The following R3HDM2 variants were observed in gnomAD, a reference collection of about 807,000 sequenced individuals.
R3HDM2 encodes the protein R3H domain-containing protein 2.
In R3HDM2, 38 loss-of-function variants were observed where a neutral mutation model predicts 124.5. The observed-to-expected ratio is 0.31, with a 90% CI of 0.24 to 0.40. The LOEUF (loss-of-function observed/expected upper bound fraction) is 0.40. Ranked by LOEUF, R3HDM2 falls within the 10% of genes least tolerant of loss-of-function variation. The pLI is 1.00. For synonymous variants in R3HDM2, 391 were observed against 448.0 expected, an observed-to-expected ratio of 0.87 and a Z score of 1.61; for missense variants, 869 against 1,236.9, an observed-to-expected ratio of 0.70 and a Z score of 4.46.
chr12:57,413,187 T>C (rs2069169351), intron 1 of R3HDM2, among the ~76,000 whole-genome samples: 1 of 151,738 alleles, frequency 6.6e-6, no homozygotes, highest in African/African-American at 2.4e-5. Context: ...AAAACTTATG[T>C]CACCACCAAA....
At chr12:57,256,279 G>A in intron 22 of R3HDM2, 135 bp downstream of exon 22, 1 of 894,826 alleles carries the variant, frequency 1.1e-6, no homozygotes. Flanking sequence ...ATGAGTATAG[G>A]AGGTAGGGCA....
rs1053289089 is a variant in R3HDM2 at position 57,320,077 on chromosome 12, G to A, written c.-35-9614C>T. Among the ~76,000 whole-genome samples the A allele has an allele frequency of 2.6e-5, 4 of 151,626 alleles. No individual in the cohort carries two copies. The South Asian group carries it at 8.3e-4, about 32-fold the overall frequency. ...AGTTTGAGATGAGCCTGGCCAACAC[G>A]GTGAAACCCCGTTTCTACTAAAAAT... On this transcript the variant is annotated intron_variant, in intron 2 of 23. Coordinates refer to ENST00000402412, the MANE Select transcript of R3HDM2 (RefSeq NM_001394031.1).
At chr12:57,387,922 A>C (rs1487651013) in intron 2 of R3HDM2, among the ~76,000 whole-genome samples, 1 of 152,102 alleles carries the variant, frequency 6.6e-6, no homozygotes, top group African/African-American at 2.4e-5. Flanking sequence ...GTAACCAAAG[A>C]AAAGGCTAGA....
chr12:57,274,291 C>G (rs1043411445), intron 14 of R3HDM2, among the ~76,000 whole-genome samples: 1 of 152,050 alleles, frequency 6.6e-6, no homozygotes, highest in Non-Finnish European at 1.5e-5. Flanking sequence ...CTGCCCAACA[C>G]GGTGAAACCC....
chr12:57,345,779 G>A (rs1333416395), intron 2 of R3HDM2, among the ~76,000 whole-genome samples: 2 of 152,092 alleles, frequency 1.3e-5, no homozygotes, highest in Non-Finnish European at 2.9e-5. Flanking sequence ...CTGGCCTCAA[G>A]CAATCCTCCC....
chr12:57,357,832 C>T (rs973761019), intron 2 of R3HDM2, among the ~76,000 whole-genome samples: 1 of 151,942 alleles, frequency 6.6e-6, no homozygotes, highest in Non-Finnish European at 1.5e-5. Context: ...AATTGCATCC[C>T]ACAAATTTTT....
intron 2 of R3HDM2, among the ~76,000 whole-genome samples, chr12:57,335,345 C>T (rs1432048923): frequency 6.6e-5 from 10 of 151,812 alleles, no homozygotes; most frequent in Admixed American, 4.6e-4. Flanking sequence ...GTAGCTGGGA[C>T]TACAGACGCC....
At chr12:57,279,067 C>A (rs2045525574) in intron 14 of R3HDM2, among the ~76,000 whole-genome samples, 1 of 151,856 alleles carries the variant, frequency 6.6e-6, no homozygotes, top group African/African-American at 2.4e-5. Context: ...TTCCAGCTAC[C>A]AGAGAATACT....
rs74240701 is a variant in R3HDM2 at position 57,321,094 on chromosome 12, T to G, written c.-35-10631A>C. ...TATTTAATAATAAAAAAGACTGAACTATAGGCTGAGCATCCCTAATGAGAA... is the reference window on the plus strand; with the variant it reads ...TATTTAATAATAAAAAAGACTGAACGATAGGCTGAGCATCCCTAATGAGAA... On this transcript the variant is annotated intron_variant, in intron 2 of 23. Coordinates refer to ENST00000402412, the MANE Select transcript of R3HDM2 (RefSeq NM_001394031.1). Among the ~76,000 whole-genome samples the G allele has an allele frequency of 2.7e-3, 414 of 152,324 alleles. 16 individuals are homozygous for G. In the East Asian group the frequency reaches 0.067, roughly 25 times the overall value.
chr12:57,280,577 A>T, intron 13 of R3HDM2, 47 bp from the exon 14 acceptor site: 5 of 1,516,470 alleles, frequency 3.3e-6, no homozygotes, highest in Non-Finnish European at 4.5e-6. Flanking sequence ...ATAAGCCACG[A>T]ACACATTATC....
At chr12:57,419,813 T>C (rs2070014811) in intron 1 of R3HDM2, among the ~76,000 whole-genome samples, 1 of 151,910 alleles carries the variant, frequency 6.6e-6, no homozygotes, top group African/African-American at 2.4e-5. Flanking sequence ...CTCCCCCACC[T>C]TTACACTACC....
At chr12:57,256,201 T>A in intron 22 of R3HDM2, 127 bp from the exon 23 acceptor site, 3 of 1,027,612 alleles carry the variant, frequency 2.9e-6, no homozygotes, top group Non-Finnish European at 4.5e-6. Context: ...GGCAGTCAGG[T>A]TGGCCATGGA....
chr12:57,387,329 C>T (rs375636587), intron 2 of R3HDM2, among the ~76,000 whole-genome samples: 44 of 152,140 alleles, frequency 2.9e-4, no homozygotes, highest in African/African-American at 1.0e-3. Flanking sequence ...CTGAAGCCAG[C>T]GAGACCACGA....
At chr12:57,292,037 C>T (rs2048761994) in intron 11 of R3HDM2, among the ~76,000 whole-genome samples, 1 of 152,194 alleles carries the variant, frequency 6.6e-6, no homozygotes, top group African/African-American at 2.4e-5. Flanking sequence ...CAGGTAGAGA[C>T]TGGAGAGAAC....
chr12:57,262,550 A>G (rs1465641229), intron 19 of R3HDM2, among the ~76,000 whole-genome samples: 2 of 152,198 alleles, frequency 1.3e-5, no homozygotes, highest in Admixed American at 6.5e-5. Flanking sequence ...AAAATGTATT[A>G]ATAAACCAGA....
At chr12:57,430,494 CG>C in intron 1 of R3HDM2, 56 of 941,212 alleles carry the variant, frequency 5.9e-5, no homozygotes, top group Non-Finnish European at 6.8e-5. Flanking sequence ...CCCCTGCCCC[CG>C]CACCGCCGCC....
intron 2 of R3HDM2, among the ~76,000 whole-genome samples, chr12:57,381,264 G>A (rs2064827902): frequency 6.7e-6 from 1 of 148,470 alleles, no homozygotes; most frequent in Admixed American, 6.7e-5. Context: ...GAATGAATGG[G>A]CAAATGAGGC....
intron 14 of R3HDM2, among the ~76,000 whole-genome samples, chr12:57,272,148 T>C (rs1475870093): frequency 6.6e-6 from 1 of 152,180 alleles, no homozygotes; most frequent in East Asian, 1.9e-4. Flanking sequence ...GCAAATTAGA[T>C]TTAGGATGTA....
chr12:57,344,393 A>T (rs1208965577), intron 2 of R3HDM2, among the ~76,000 whole-genome samples: 1 of 152,224 alleles, frequency 6.6e-6, no homozygotes, highest in Non-Finnish European at 1.5e-5. Flanking sequence ...TTTAAAGAAG[A>T]CCCTGACATT....
Sources: gnomAD v4.1 joint callset for allele counts (sites outside exome capture counted in the v4.1 genomes callset) on GRCh38, gnomAD v4.1.1 for gene constraint, MANE v1.5 for transcripts, NCBI Gene and HGNC (gene_info 2026-07-23, HGNC 2026-07-21) for gene names.